The following PTPRN2 variants were observed in gnomAD, a reference collection of about 807,000 sequenced individuals.
PTPRN2 encodes receptor-type tyrosine-protein phosphatase N2.
A neutral mutation model predicts 118.8 loss-of-function variants in PTPRN2; 74 were observed. The observed-to-expected ratio is 0.62, with a 90% CI of 0.52 to 0.76. The LOEUF is 0.76. Among genes scored for constraint, PTPRN2 ranks in the 30% least tolerant of loss-of-function variants. The pLI is 0.00. For synonymous variants in PTPRN2, 641 were observed against 608.0 expected (o/e 1.05, Z -0.80); for missense variants, 1,481 against 1,394.4 (o/e 1.06, Z -0.99).
At chr7:158,351,247 T>C (rs933669017) in intron 2 of PTPRN2, among the ~76,000 whole-genome samples, 3 of 152,028 alleles carry the variant, frequency 2.0e-5, no homozygotes, top group African/African-American at 7.3e-5. Flanking sequence ...AGAAGGAGGG[T>C]CCAGGAGGGG....
At chr7:158,256,699 G>T (rs1385899018) in intron 3 of PTPRN2, among the ~76,000 whole-genome samples, 1 of 152,046 alleles carries the variant, frequency 6.6e-6, no homozygotes, top group Non-Finnish European at 1.5e-5. Context: ...CACTACCCTG[G>T]TGGCTTGAGA....
chr7:157,746,358 T>A (rs1051951104), intron 12 of PTPRN2, among the ~76,000 whole-genome samples: 1 of 146,420 alleles, frequency 6.8e-6, no homozygotes, highest in Non-Finnish European at 1.5e-5. Flanking sequence ...CAACCCACAG[T>A]CCTCACGGGG....
In PTPRN2 at chr7:157,787,465, G is replaced by A. The variant is rs1434792031; in HGVS notation, c.1789-104528C>T. Reference sequence around the variant, plus strand: ...GACTCCCAGCTGTTGCTGTGCCTGGGTCACCCCAGTGGGCAGGGCGGGCAG... The same window carrying A: ...GACTCCCAGCTGTTGCTGTGCCTGGATCACCCCAGTGGGCAGGGCGGGCAG... On this transcript the variant is annotated intron_variant, in intron 12 of 22. Coordinates refer to ENST00000389418, the MANE Select transcript of PTPRN2 (RefSeq NM_002847.5). This position sits in a 1 kb window ranked among gnomAD's most constrained non-coding sequence, Gnocchi z 5.3. 6.6e-6 allele frequency among the ~76,000 whole-genome samples: 1 copy of A among 152,044 alleles called. No homozygotes were observed. Among genetic ancestry groups the A allele is most frequent in the Non-Finnish European group, 1.5e-5 (1 of 67,972 alleles).
intron 2 of PTPRN2, among the ~76,000 whole-genome samples, chr7:158,405,121 G>A (rs974622441): frequency 6.6e-6 from 1 of 151,928 alleles, no homozygotes; most frequent in African/African-American, 2.4e-5. Flanking sequence ...CCCAGCAGGA[G>A]CTAAGTTGTT....
chr7:158,397,343 C>T (rs1812592264), intron 2 of PTPRN2, among the ~76,000 whole-genome samples: 1 of 152,208 alleles, frequency 6.6e-6, no homozygotes, highest in Non-Finnish European at 1.5e-5. Flanking sequence ...CATCCAGACA[C>T]CCTCAGCGGT....
At chr7:157,875,641 G>A (rs995884796) in intron 12 of PTPRN2, among the ~76,000 whole-genome samples, 22 of 152,214 alleles carry the variant, frequency 1.4e-4, no homozygotes, top group African/African-American at 4.6e-4. Flanking sequence ...TGCAGGAGGC[G>A]AGCAAGTGTG....
chr7:158,009,957 C>A (rs1805921399), intron 11 of PTPRN2, among the ~76,000 whole-genome samples: 1 of 152,208 alleles, frequency 6.6e-6, no homozygotes, highest in Non-Finnish European at 1.5e-5. Flanking sequence ...CCAGCCAAAC[C>A]CACTGAGTAG....
intron 22 of PTPRN2, among the ~76,000 whole-genome samples, chr7:157,545,253 TGTGTGCAG>T (rs1273259901): frequency 3.4e-5 from 5 of 147,596 alleles, no homozygotes; most frequent in African/African-American, 5.1e-5. Context: ...AGGTGTGCAC[TGTGTGCAG>T]GTGTGTGCGT....
intron 11 of PTPRN2, among the ~76,000 whole-genome samples, chr7:158,023,865 C>A (rs1034633452): frequency 6.6e-6 from 1 of 151,852 alleles, no homozygotes; most frequent in Non-Finnish European, 1.5e-5. Context: ...CACATAGGGC[C>A]TGGCACAGAC....
At chr7:158,027,231 T>C (rs1426620785) in intron 11 of PTPRN2, 2 of 152,194 alleles carry the variant, frequency 1.3e-5, no homozygotes, top group Non-Finnish European at 2.9e-5. Flanking sequence ...TAAATGTAAG[T>C]GGCAGGAAGT....
At chr7:157,847,424 CATCAGGTGTGCCTGATGTCTA>C (rs1315617563) in intron 12 of PTPRN2, among the ~76,000 whole-genome samples, 1 of 149,726 alleles carries the variant, frequency 6.7e-6, no homozygotes, top group East Asian at 2.0e-4. Context: ...TCTCTCACTC[CATCAGGTGTGCCTGATGTCTA>C]CAAAGCCCTC....
chr7:157,610,559 C>T lies in PTPRN2; in HGVS notation c.2345-6484G>A, dbSNP rs544147073. 1.3e-5 allele frequency among the ~76,000 whole-genome samples: 2 copies of T among 152,342 alleles called. No homozygotes were observed. Among genetic ancestry groups the T allele is most frequent in the Admixed American group, 6.5e-5 (1 of 15,302 alleles). On this transcript the variant is annotated intron_variant, in intron 15 of 22. Transcript: ENST00000389418. This position sits in a 1 kb window ranked among gnomAD's most constrained non-coding sequence, Gnocchi z 5.1. ...TCGAGGTCTGAGGGCTGCAAAGGCACATCCCGGGGCTGCTGGCCGTCAGCA... is the reference window on the plus strand; with the variant it reads ...TCGAGGTCTGAGGGCTGCAAAGGCATATCCCGGGGCTGCTGGCCGTCAGCA...
chr7:157,797,095 C>T (rs371920353), intron 12 of PTPRN2, among the ~76,000 whole-genome samples: 4 of 152,312 alleles, frequency 2.6e-5, no homozygotes, highest in Admixed American at 6.5e-5. Flanking sequence ...TCAACTGCAC[C>T]GAAATCCCAG....
chr7:158,383,156 C>T (rs1017850199), intron 2 of PTPRN2, among the ~76,000 whole-genome samples: 4 of 152,004 alleles, frequency 2.6e-5, no homozygotes, highest in Non-Finnish European at 2.9e-5. Flanking sequence ...CCTGAGCTAA[C>T]GTCCAACAAG....
intron 11 of PTPRN2, among the ~76,000 whole-genome samples, chr7:157,933,473 T>C (rs34232084): frequency 1.4e-5 from 2 of 140,962 alleles, no homozygotes; most frequent in Admixed American, 7.3e-5. Context: ...TGATTGACAG[T>C]TTTAGAGGAG....
chr7:157,615,065 C>T lies in PTPRN2; in HGVS notation c.2344+6297G>A, dbSNP rs1279044403. On this transcript the variant is annotated intron_variant, in intron 15 of 22. Coordinates refer to ENST00000389418, the MANE Select transcript of PTPRN2 (RefSeq NM_002847.5). The surrounding 1 kb of genome is among the most constrained non-coding windows in gnomAD (Gnocchi z 4.3). Reference sequence around the variant, plus strand: ...CAGGCAGGCTAAAGTATTTGGACGTCATGACGCCTGATACTTACTTGAAGT... The same window carrying T: ...CAGGCAGGCTAAAGTATTTGGACGTTATGACGCCTGATACTTACTTGAAGT... 6.6e-6 allele frequency among the ~76,000 whole-genome samples: 1 copy of T among 152,228 alleles called. No individual in the cohort carries two copies. Among genetic ancestry groups the T allele is most frequent in the East Asian group, 1.9e-4 (1 of 5,202 alleles).
At position 157,941,738 on chromosome 7, in the gene PTPRN2, G is replaced by T. The variant is rs561907205; in HGVS notation, c.1724-43001C>A. Among the ~76,000 whole-genome samples the T allele has an allele frequency of 2.0e-5, 3 of 152,252 alleles. No homozygotes were observed. The South Asian group carries it at 6.2e-4, about 32-fold the overall frequency. ...AGAGCCAGCCACACTCCCTATGCTG[G>T]GCTCTGCATGGAGTGGGGTCAGCAT... On this transcript the variant is annotated intron_variant, in intron 11 of 22. Coordinates refer to ENST00000389418, the MANE Select transcript of PTPRN2 (RefSeq NM_002847.5).
chr7:158,090,315 C>T (rs1371774413), intron 10 of PTPRN2, among the ~76,000 whole-genome samples: 1 of 152,158 alleles, frequency 6.6e-6, no homozygotes, highest in Non-Finnish European at 1.5e-5. Flanking sequence ...TATTTATTGC[C>T]GCTAGGAGTC....
intron 2 of PTPRN2, among the ~76,000 whole-genome samples, chr7:158,386,997 G>T (rs1329241441): frequency 1.3e-5 from 2 of 152,196 alleles, no homozygotes; most frequent in Admixed American, 1.3e-4. Flanking sequence ...GAGGATGGGG[G>T]GACTGTGGCT....
Sources: gnomAD v4.1 joint callset for allele counts (sites outside exome capture counted in the v4.1 genomes callset) on GRCh38, gnomAD v4.1.1 for gene constraint, Gnocchi (gnomAD v3.1) non-coding constraint, MANE v1.5 for transcripts, NCBI Gene and HGNC (gene_info 2026-07-23, HGNC 2026-07-21) for gene names.